AFF3: variants seen among roughly 807,000 people sequenced by gnomAD.
The protein encoded by AFF3 is AF4/FMR2 family member 3.
In AFF3, 32 loss-of-function variants were observed where a neutral mutation model predicts 129.7. That is an observed-to-expected ratio of 0.25 (90% CI 0.19 to 0.33). The LOEUF (loss-of-function observed/expected upper bound fraction) is 0.33, where lower values mean the gene tolerates loss of function less well. Among genes scored for constraint, AFF3 ranks in the 10% least tolerant of loss-of-function variants. The pLI, the probability that AFF3 is intolerant of heterozygous loss-of-function variation, is 1.00. For synonymous variants in AFF3, 644 were observed against 635.4 expected, an observed-to-expected ratio of 1.01 and a Z score of -0.20; for missense variants, 1,373 against 1,592.0, an observed-to-expected ratio of 0.86 and a Z score of 2.34.
At chr2:99,822,780 G>A (rs956503232) in intron 8 of AFF3, among the ~76,000 whole-genome samples, 14 of 152,148 alleles carry the variant, frequency 9.2e-5, no homozygotes, top group African/African-American at 2.7e-4. Context: ...TCATCCATAC[G>A]GTAACTAGCC....
Position 100,007,386 on chromosome 2 carries a change from TAA to T in AFF3, c.247_248del (p.Leu83AsnfsTer2). The T allele has an allele frequency of 1.2e-6, 2 of 1,614,186 alleles. No individual in the cohort carries two copies. Among genetic ancestry groups the T allele is most frequent in the Non-Finnish European group, 1.7e-6 (2 of 1,180,014 alleles). ...GATGACTCTGATTGGATCTATCAGTTAAAAAGTCTTTCATTTCATCATAATTG... is the reference window on the plus strand; with the variant it reads ...GATGACTCTGATTGGATCTATCAGTTAAAGTCTTTCATTTCATCATAATTG... ...LGNYDEMKDF[L>X]TDRSNQSHLV... On this transcript the variant is annotated frameshift_variant, in exon 6 of 25. Coordinates refer to ENST00000672756, the MANE Select transcript of AFF3 (RefSeq NM_001386135.1). LOFTEE classifies it high-confidence loss of function.
chr2:99,569,059 CT>C (rs1327605488), intron 18 of AFF3, 144 bp from the exon 19 acceptor site: 5 of 719,408 alleles, frequency 7.0e-6, no homozygotes, highest in Non-Finnish European at 1.2e-5. Context: ...CCTTTCCAAA[CT>C]ACTGCCTGTA....
chr2:99,912,303 G>T (rs1219304307), intron 7 of AFF3, among the ~76,000 whole-genome samples: 1 of 152,166 alleles, frequency 6.6e-6, no homozygotes, highest in Admixed American at 6.5e-5. Context: ...TTTAGCTAAA[G>T]TTTTATGCTT....
chr2:99,756,594 A>G (rs1332557546), intron 8 of AFF3, among the ~76,000 whole-genome samples: 1 of 152,122 alleles, frequency 6.6e-6, no homozygotes, highest in East Asian at 1.9e-4. Context: ...TCTCACTGGT[A>G]TTGGTTTAAC....
At chr2:99,962,554 AAAGAG>A (rs1404799825) in intron 7 of AFF3, among the ~76,000 whole-genome samples, 10 of 152,326 alleles carry the variant, frequency 6.6e-5, no homozygotes, top group African/African-American at 2.4e-4. Context: ...ATCTCAGCTG[AAAGAG>A]AAGTTAGAAA....
At chr2:99,896,418 C>T (rs1000573939) in intron 7 of AFF3, among the ~76,000 whole-genome samples, 1 of 151,920 alleles carries the variant, frequency 6.6e-6, no homozygotes, top group Non-Finnish European at 1.5e-5. Context: ...GCCACCTGTC[C>T]ATAAGCCCAC....
At chr2:99,865,667 GA>G (rs1691336408) in intron 7 of AFF3, among the ~76,000 whole-genome samples, 1 of 152,136 alleles carries the variant, frequency 6.6e-6, no homozygotes, top group African/African-American at 2.4e-5. Context: ...GCAAGTTGAT[GA>G]AAAATTAATT....
intron 7 of AFF3, among the ~76,000 whole-genome samples, chr2:99,938,628 C>T (rs971039909): frequency 6.6e-6 from 1 of 152,168 alleles, no homozygotes; most frequent in Non-Finnish European, 1.5e-5. Flanking sequence ...GGGTGGGCCT[C>T]ATCCAATTAG....
chr2:99,994,047 C>T (rs1410489218), intron 7 of AFF3, among the ~76,000 whole-genome samples: 3 of 151,762 alleles, frequency 2.0e-5, no homozygotes, highest in East Asian at 3.9e-4. Context: ...CTCAGGTGAT[C>T]CACCCGCCTC....
At chr2:99,649,522 G>T in intron 13 of AFF3, 104 bp downstream of exon 13, 1 of 1,276,044 alleles carries the variant, frequency 7.8e-7, no homozygotes, top group Non-Finnish European at 1.1e-6. Context: ...TCCCAGTTCA[G>T]AGATACTTTA....
chr2:100,014,580 G>A (rs1257733711), intron 4 of AFF3, among the ~76,000 whole-genome samples: 1 of 152,110 alleles, frequency 6.6e-6, no homozygotes, highest in Non-Finnish European at 1.5e-5. Flanking sequence ...CTGTGGTCAG[G>A]GCACTGGCAG....
At chr2:99,882,504 T>G (rs1332046363) in intron 7 of AFF3, among the ~76,000 whole-genome samples, 2 of 152,206 alleles carry the variant, frequency 1.3e-5, no homozygotes, top group African/African-American at 4.8e-5. Context: ...ATCCTCAGTC[T>G]GCCTGGTTCA....
intron 7 of AFF3, among the ~76,000 whole-genome samples, chr2:99,984,175 T>C (rs887514335): frequency 6.6e-6 from 1 of 152,228 alleles, no homozygotes; most frequent in African/African-American, 2.4e-5. Context: ...CTTCAAGTGT[T>C]AAGGCAATTG....
intron 7 of AFF3, among the ~76,000 whole-genome samples, chr2:99,856,552 C>G (rs1181513295): frequency 1.3e-5 from 2 of 152,174 alleles, no homozygotes; most frequent in Non-Finnish European, 2.9e-5. Context: ...TGAAGCATTA[C>G]ATTAGTATTA....
At chr2:99,654,721 A>G (rs773595724) in intron 12 of AFF3, among the ~76,000 whole-genome samples, 11 of 152,188 alleles carry the variant, frequency 7.2e-5, no homozygotes, top group Non-Finnish European at 1.3e-4. Flanking sequence ...TTCATTACGA[A>G]TGATTCTAAA....
intron 4 of AFF3, among the ~76,000 whole-genome samples, chr2:100,081,183 C>A (rs1179360246): frequency 6.6e-6 from 1 of 151,998 alleles, no homozygotes; most frequent in Non-Finnish European, 1.5e-5. Flanking sequence ...TGACGGAAAC[C>A]CTAAAATCCC....
At position 100,043,446 on chromosome 2, in the gene AFF3, G is replaced by A. The variant is rs139379533; in HGVS notation, c.54-34514C>T. ...ACATGGCTTTGCTATATATAAGGAC[G>A]GGACTTGGAAATATTTGGTCTGAGG... On this transcript the variant is annotated intron_variant, in intron 4 of 24. Coordinates refer to ENST00000672756, the MANE Select transcript of AFF3 (RefSeq NM_001386135.1). 9.0e-3 allele frequency among the ~76,000 whole-genome samples: 1,368 copies of A among 152,222 alleles called. 24 individuals carry two copies. Among genetic ancestry groups the A allele is most frequent in the African/African-American group, 0.031 (1,295 of 41,534 alleles).
At chr2:99,553,862 C>T (rs1395170930) in intron 24 of AFF3, among the ~76,000 whole-genome samples, 6 of 133,926 alleles carry the variant, frequency 4.5e-5, no homozygotes, top group African/African-American at 1.4e-4. Flanking sequence ...TGCAGTGAGC[C>T]GAGATAGTGC....
chr2:100,007,774 A>C (rs933563932), intron 5 of AFF3: 2 of 345,846 alleles, frequency 5.8e-6, no homozygotes, highest in Non-Finnish European at 1.1e-5. Context: ...CAGGTGTTTG[A>C]GATCAGCCTG....
Sources: gnomAD v4.1 joint callset for allele counts (sites outside exome capture counted in the v4.1 genomes callset) on GRCh38, gnomAD v4.1.1 for gene constraint, MANE v1.5 for transcripts, NCBI Gene and HGNC (gene_info 2026-07-23, HGNC 2026-07-21) for gene names.